PDGFD: variants seen among roughly 807,000 people sequenced by gnomAD.
PDGFD encodes platelet-derived growth factor D.
PDGFD carries 30 observed loss-of-function variants against 44.7 expected under a neutral mutation model. The ratio of observed to expected loss-of-function variants is 0.67; its 90% CI spans 0.50 to 0.91. The LOEUF (loss-of-function observed/expected upper bound fraction) is 0.91. Among genes scored for constraint, PDGFD ranks in the 40% least tolerant of loss-of-function variants. PDGFD has a pLI of 0.00. For missense variants in PDGFD, 445 were observed against 457.8 expected, an observed-to-expected ratio of 0.97 and a Z score of 0.25; for synonymous variants, 173 against 168.4, an observed-to-expected ratio of 1.03 and a Z score of -0.21.
At chr11:104,051,484 G>A (rs1170053069) in intron 1 of PDGFD, among the ~76,000 whole-genome samples, 2 of 149,822 alleles carry the variant, frequency 1.3e-5, no homozygotes, top group Non-Finnish European at 2.9e-5. Flanking sequence ...ATTCCACTAC[G>A]GGGGTCATAC....
rs1857956211 is a variant in PDGFD, at chr11:103,907,610, A to G, written c.*2084T>C. 6.6e-6 allele frequency: 1 copy of G among 152,220 alleles called. No homozygotes were observed. Among genetic ancestry groups the G allele is most frequent in the African/African-American group, 2.4e-5 (1 of 41,460 alleles). 9.4% of individuals were successfully genotyped at this position (152,220 alleles called of 1,614,324 possible). ...AATAAAAAGTGCAGATAGGGCTTTA[A>G]CTGAAAACCTTGCTGGTTATTGCAG... On this transcript the variant is annotated 3_prime_UTR_variant, in exon 7 of 7. Transcript: ENST00000393158.
At chr11:103,911,770 T>C (rs1371637630) in intron 6 of PDGFD, among the ~76,000 whole-genome samples, 3 of 151,834 alleles carry the variant, frequency 2.0e-5, no homozygotes, top group South Asian at 2.1e-4. Flanking sequence ...ATAATCAGTG[T>C]AGAGAAGAAC....
intron 1 of PDGFD, among the ~76,000 whole-genome samples, chr11:104,088,336 G>A (rs776213912): frequency 2.0e-5 from 3 of 152,182 alleles, no homozygotes; most frequent in Non-Finnish European, 4.4e-5. Flanking sequence ...CTCCAGAGGT[G>A]AGAATTATGT....
At chr11:103,933,679 GA>G in intron 5 of PDGFD, among the ~76,000 whole-genome samples, 1 of 152,310 alleles carries the variant, frequency 6.6e-6, no homozygotes, top group African/African-American at 2.4e-5. Context: ...AGCACTTTGT[GA>G]GATGCTTTCA....
chr11:103,958,315 C>T (rs973407078), intron 3 of PDGFD, among the ~76,000 whole-genome samples: 2 of 152,028 alleles, frequency 1.3e-5, no homozygotes, highest in Non-Finnish European at 2.9e-5. Flanking sequence ...ATAAATAATC[C>T]TTTTTATAAA....
intron 1 of PDGFD, among the ~76,000 whole-genome samples, chr11:104,041,602 T>C (rs1164211927): frequency 6.6e-6 from 1 of 152,166 alleles, no homozygotes; most frequent in African/African-American, 2.4e-5. Context: ...TAAAAAATCC[T>C]TGGCTTCACT....
At chr11:104,159,101 C>A (rs886336676) in intron 1 of PDGFD, among the ~76,000 whole-genome samples, 1 of 139,412 alleles carries the variant, frequency 7.2e-6, no homozygotes, top group African/African-American at 2.7e-5. Context: ...TGCAGTGAGC[C>A]GAGATCATGC....
chr11:104,052,317 A>G (rs559583848), intron 1 of PDGFD, among the ~76,000 whole-genome samples: 1 of 152,198 alleles, frequency 6.6e-6, no homozygotes, highest in East Asian at 1.9e-4. Flanking sequence ...GAAATCCAGC[A>G]AAACCTCAAC....
At chr11:104,089,990 C>T (rs1287192823) in intron 1 of PDGFD, among the ~76,000 whole-genome samples, 1 of 152,088 alleles carries the variant, frequency 6.6e-6, no homozygotes, top group African/African-American at 2.4e-5. Flanking sequence ...CTCTCTCCTA[C>T]CCCTATCAAT....
intron 3 of PDGFD, among the ~76,000 whole-genome samples, chr11:103,985,721 T>C (rs1471329926): frequency 6.7e-6 from 1 of 149,206 alleles, no homozygotes; most frequent in Non-Finnish European, 1.5e-5. Flanking sequence ...GGTCAGAACA[T>C]GGAAGACTCT....
intron 1 of PDGFD, chr11:104,037,823 TG>T: frequency 2.5e-6 from 4 of 1,614,206 alleles, no homozygotes; most frequent in Non-Finnish European, 3.4e-6. Flanking sequence ...GGCCTAGATA[TG>T]CTCCGGAGAC....
chr11:104,052,555 CAGTA>C (rs201914525), intron 1 of PDGFD, among the ~76,000 whole-genome samples: 1,751 of 152,088 alleles, frequency 0.012, 20 homozygotes, highest in African/African-American at 0.039. Flanking sequence ...GGAAGGTGCT[CAGTA>C]AGTGTTTAAT....
intron 1 of PDGFD, among the ~76,000 whole-genome samples, chr11:104,093,797 C>A (rs1055440594): frequency 6.6e-6 from 1 of 151,096 alleles, no homozygotes; most frequent in Admixed American, 6.6e-5. Context: ...GCCATTCCCT[C>A]GCATGCTTCT....
intron 3 of PDGFD, among the ~76,000 whole-genome samples, chr11:103,986,816 G>A (rs532355405): frequency 3.3e-5 from 5 of 152,260 alleles, no homozygotes; most frequent in African/African-American, 1.2e-4. Flanking sequence ...TCATGCAGCT[G>A]GAGGCTGCAA....
intron 2 of PDGFD, among the ~76,000 whole-genome samples, chr11:103,996,855 C>A (rs1859540285): frequency 6.6e-6 from 1 of 152,150 alleles, no homozygotes; most frequent in Non-Finnish European, 1.5e-5. Flanking sequence ...GAGATGTGTG[C>A]TAACCAATAT....
chr11:104,104,046 T>C (rs935857238), intron 1 of PDGFD, among the ~76,000 whole-genome samples: 4 of 152,060 alleles, frequency 2.6e-5, no homozygotes, highest in Admixed American at 6.6e-5. Flanking sequence ...ATATTGATGA[T>C]CCTGACCCTG....
At chr11:104,022,512 C>A (rs1020535977) in intron 1 of PDGFD, among the ~76,000 whole-genome samples, 16 of 151,986 alleles carry the variant, frequency 1.1e-4, no homozygotes, top group African/African-American at 3.9e-4. Context: ...TAGATTTTAC[C>A]CCCCTCCAAT....
rs767660395 is a variant in PDGFD, at chr11:103,909,215, GCTTT to G, written c.*475_*478del. On this transcript the variant is annotated 3_prime_UTR_variant, in exon 7 of 7. Coordinates refer to ENST00000393158, the MANE Select transcript of PDGFD (RefSeq NM_025208.5). ...TCTTTTGATTTTTAATATACAAGAT[GCTTT>G]CTTTAAGAGAGCAAGATTCAAAATT... The G allele has an allele frequency of 2.0e-5, 3 of 152,586 alleles. No individual in the cohort carries two copies. In the East Asian group the frequency reaches 5.8e-4, roughly 29 times the overall value. The allele number at this position is 152,586 out of a possible 1,614,324, so 9.5% of individuals were successfully genotyped here. A position where few individuals can be genotyped will look rare whatever the true frequency, so the allele number is the denominator to read the frequency against.
At chr11:103,920,300 T>C (rs1167320678) in intron 6 of PDGFD, among the ~76,000 whole-genome samples, 1 of 152,254 alleles carries the variant, frequency 6.6e-6, no homozygotes, top group African/African-American at 2.4e-5. Flanking sequence ...CTATGAGGTG[T>C]ACTCAGTTGC....
Sources: allele counts gnomAD v4.1 joint callset (sites outside exome capture counted in the v4.1 genomes callset), GRCh38; gene constraint gnomAD v4.1.1; transcripts MANE v1.5; gene names NCBI Gene and HGNC (gene_info 2026-07-23, HGNC 2026-07-21).